Variants in NMBR observed in about 807,000 individuals in gnomAD.
NMBR encodes the protein neuromedin B receptor, also known as neuromedin-B receptor.
NMBR carries 16 observed loss-of-function variants against 20.5 expected under a neutral mutation model. The observed-to-expected ratio is 0.78, with a 90% CI of 0.53 to 1.19. The LOEUF (loss-of-function observed/expected upper bound fraction) is 1.19. NMBR is among the 50% of genes most tolerant of loss of function. The probability of loss-of-function intolerance (pLI) is 0.00; values close to 1 mark genes in which losing one functional copy is unlikely to be tolerated. For missense variants in NMBR, 582 were observed against 499.1 expected, an observed-to-expected ratio of 1.17 and a Z score of -1.58; for synonymous variants, 212 against 196.6, an observed-to-expected ratio of 1.08 and a Z score of -0.65.
chr6:142,135,974 A>T (rs1205646895), intron 1 of NMBR, among the ~76,000 whole-genome samples: 3 of 152,086 alleles, frequency 2.0e-5, no homozygotes, highest in Non-Finnish European at 4.4e-5. Flanking sequence ...ATGTGTCTTT[A>T]TAGCAGCATG....
At chr6:142,120,870 A>C (rs753819696) in intron 1 of NMBR, among the ~76,000 whole-genome samples, 38 of 152,004 alleles carry the variant, frequency 2.5e-4, no homozygotes, top group Non-Finnish European at 5.3e-4. Flanking sequence ...CCAGTCAAAA[A>C]TTACCAGTTA....
intron 2 of NMBR, among the ~76,000 whole-genome samples, chr6:142,083,992 A>G (rs1414811684): frequency 6.6e-6 from 1 of 152,174 alleles, no homozygotes; most frequent in East Asian, 1.9e-4. Flanking sequence ...CTACCAATTA[A>G]CAGACTGAGA....
In NMBR at chr6:142,079,104, G is replaced by A. The variant is rs866197913; in HGVS notation, c.423-201C>T. On this transcript the variant is annotated intron_variant, in intron 2 of 3. Transcript: ENST00000258042. ...AGAAAGAAAGAGAGAAAGAGAGAGA[G>A]AGAAAGAAAGAAAGAAAGAAAGAAG... 3.6e-3 allele frequency among the ~76,000 whole-genome samples: 210 copies of A among 58,620 alleles called. 2 individuals are homozygous for A. Among genetic ancestry groups the A allele is most frequent in the African/African-American group, 0.012 (180 of 14,924 alleles). 38.5% of individuals were successfully genotyped at this position (58,620 alleles called of 152,430 possible).
chr6:142,143,155 TA>T lies in NMBR; in HGVS notation c.-664+3888del, dbSNP rs1183264077. Among the ~76,000 whole-genome samples the T allele has an allele frequency of 1.2e-4, 18 of 152,224 alleles. No individual in the cohort carries two copies. The South Asian group carries it at 3.7e-3, about 32-fold the overall frequency. ...AGTAATAAAAAATAAAATTTAAATG[TA>T]AAAAATCATTTACAATGCAATAAAA... On this transcript the variant is annotated intron_variant, in intron 1 of 3. Transcript: ENST00000258042.
chr6:142,090,332 G>A (rs531927850), intron 1 of NMBR, among the ~76,000 whole-genome samples: 6 of 152,090 alleles, frequency 3.9e-5, no homozygotes, highest in African/African-American at 7.2e-5. Flanking sequence ...GATAAGATGT[G>A]TATATATGCA....
Position 142,088,374 on chromosome 6 carries a change from GGTGA to G in NMBR, c.281_284del (p.Leu94ProfsTer24). The G allele has an allele frequency of 1.9e-6, 3 of 1,614,170 alleles. No homozygotes were observed. Among genetic ancestry groups the G allele is most frequent in the Non-Finnish European group, 1.7e-6 (2 of 1,180,036 alleles). On this transcript the variant is annotated frameshift_variant, in exon 2 of 4. Coordinates refer to ENST00000258042, the MANE Select transcript of NMBR (RefSeq NM_002511.4). LOFTEE classifies it high-confidence loss of function. Reference sequence around the variant, plus strand: ...AGCGCGAGGCGTCCACCGGGACGCAGGTGAGCAGCAGCAGCAAGTCCCCGGCCGC... The same window carrying G: ...AGCGCGAGGCGTCCACCGGGACGCAGGCAGCAGCAGCAAGTCCCCGGCCGC...
chr6:142,079,094 A>AAGAG (rs1181099175), intron 2 of NMBR, among the ~76,000 whole-genome samples, 191 bp from the exon 3 acceptor site: 4 of 48,936 alleles, frequency 8.2e-5, no homozygotes, highest in African/African-American at 1.2e-4. Flanking sequence ...GAAAGAGAGA[A>AAGAG]AGAGAGAGAG....
At position 142,078,651 on chromosome 6, in the gene NMBR, A is replaced by C; in HGVS notation, c.675T>G (p.Leu225=). Residue 225 remains leucine (L), a synonymous_variant, in exon 3 of 4, where the codon CTT becomes CTG. Transcript: ENST00000258042. The stretch of plus-strand genomic sequence containing the variant: ...GATAATAATAAATGCTAATAATAGC[A>C]AGTGGTATGAGGAAATAGACCAAGA... ...LIFLVYFLIP[L]AIISIYYYHI... 2 of 1,612,886 alleles carry C rather than the reference A, an allele frequency of 1.2e-6. No individual in the cohort carries two copies. Among genetic ancestry groups the C allele is most frequent in the Non-Finnish European group, 1.7e-6 (2 of 1,178,946 alleles).
chr6:142,087,024 T>C (rs534504303), intron 2 of NMBR, among the ~76,000 whole-genome samples: 6 of 152,274 alleles, frequency 3.9e-5, no homozygotes, highest in African/African-American at 1.4e-4. Context: ...TAAAAGATAA[T>C]AGAAATGCTG....
chr6:142,115,534 G>GATT (rs1285161601), intron 1 of NMBR, among the ~76,000 whole-genome samples: 4 of 151,974 alleles, frequency 2.6e-5, no homozygotes, highest in Non-Finnish European at 5.9e-5. Flanking sequence ...TCAAAAATAG[G>GATT]ATTATTACTC....
At chr6:142,113,374 C>T (rs12206219) in intron 1 of NMBR, among the ~76,000 whole-genome samples, 6,746 of 152,048 alleles carry the variant, frequency 0.044, 248 homozygotes, top group Non-Finnish European at 0.064. Context: ...TCTGGTTTTG[C>T]TGAAACTGCT....
At chr6:142,103,426 G>A (rs935246019) in intron 1 of NMBR, among the ~76,000 whole-genome samples, 1 of 152,136 alleles carries the variant, frequency 6.6e-6, no homozygotes, top group African/African-American at 2.4e-5. Flanking sequence ...TTAAAACCCA[G>A]GAATGAGTTT....
chr6:142,109,991 G>A (rs550540725), intron 1 of NMBR, among the ~76,000 whole-genome samples: 1 of 152,094 alleles, frequency 6.6e-6, no homozygotes, highest in African/African-American at 2.4e-5. Context: ...TTGTTTATAA[G>A]TTACTCAGTC....
intron 1 of NMBR, among the ~76,000 whole-genome samples, chr6:142,092,235 A>G (rs2114570847): frequency 6.6e-6 from 1 of 151,750 alleles, no homozygotes; most frequent in African/African-American, 2.4e-5. Flanking sequence ...AGAAAAAAAC[A>G]TTAATGGAAG....
chr6:142,081,298 T>C (rs1302324976), intron 2 of NMBR, among the ~76,000 whole-genome samples: 2 of 152,180 alleles, frequency 1.3e-5, no homozygotes, highest in Admixed American at 6.5e-5. Context: ...ATAAACATTA[T>C]ATCATAGCAT....
intron 1 of NMBR, among the ~76,000 whole-genome samples, chr6:142,117,966 A>T (rs1777881469): frequency 6.6e-6 from 1 of 151,998 alleles, no homozygotes; most frequent in Non-Finnish European, 1.5e-5. Flanking sequence ...ATAAGCACTG[A>T]CAAAGGTGTA....
intron 1 of NMBR, among the ~76,000 whole-genome samples, 42 bp downstream of exon 1, chr6:142,147,002 C>A (rs1778449813): frequency 6.6e-6 from 1 of 152,152 alleles, no homozygotes; most frequent in Non-Finnish European, 1.5e-5. Flanking sequence ...AAACAACAAA[C>A]CAAACAAAAA....
At chr6:142,096,433 G>A (rs945074906) in intron 1 of NMBR, among the ~76,000 whole-genome samples, 2 of 152,140 alleles carry the variant, frequency 1.3e-5, no homozygotes, top group African/African-American at 4.8e-5. Flanking sequence ...TCAGGAGTAG[G>A]TTGTTCAGTT....
At position 142,078,673 on chromosome 6, in the gene NMBR, A is replaced by C; in HGVS notation, c.653T>G (p.Leu218Trp). Residue 218 changes from leucine (L) to tryptophan (W), a missense_variant, in exon 3 of 4, where the codon TTG becomes TGG. Transcript: ENST00000258042. Reference sequence around the variant, plus strand: ...AGCAAGTGGTATGAGGAAATAGACCAAGAAAATGAGCACTGAATGAATCTT... The same window carrying C: ...AGCAAGTGGTATGAGGAAATAGACCCAGAAAATGAGCACTGAATGAATCTT... ...HPKIHSVLIFLVYFLIPLAII... is the reference protein window; with the variant it reads ...HPKIHSVLIFWVYFLIPLAII... 1 of 1,613,988 alleles carries C rather than the reference A, an allele frequency of 6.2e-7. No homozygotes were observed.
Sources: allele counts gnomAD v4.1 joint callset (sites outside exome capture counted in the v4.1 genomes callset), GRCh38; gene constraint gnomAD v4.1.1; transcripts MANE v1.5; gene names NCBI Gene and HGNC (gene_info 2026-07-23, HGNC 2026-07-21).